HNRNPH1: variants seen among roughly 807,000 people sequenced by gnomAD.
HNRNPH1 encodes heterogeneous nuclear ribonucleoprotein H1, also known as heterogeneous nuclear ribonucleoprotein H.
HNRNPH1 carries 4 observed loss-of-function variants against 58.6 expected under a neutral mutation model. That is an observed-to-expected ratio of 0.07 (90% CI 0.03 to 0.16). The LOEUF (loss-of-function observed/expected upper bound fraction) is 0.16. Ranked by LOEUF, HNRNPH1 falls within the 10% of genes least tolerant of loss-of-function variation. HNRNPH1 has a pLI of 1.00. For missense variants in HNRNPH1, 271 were observed against 564.2 expected (o/e 0.48, Z 5.26); for synonymous variants, 192 against 189.2 (o/e 1.01, Z -0.12).
chr5:179,617,843 T>C, exon 7 of HNRNPH1: 2 of 1,613,768 alleles, frequency 1.2e-6, no homozygotes, highest in Non-Finnish European at 1.7e-6. Flanking sequence ...AATCCCCGCA[T>C]GTGTACACAG....
At chr5:179,620,313 T>C (rs1347248127) in intron 3 of HNRNPH1, among the ~76,000 whole-genome samples, 2 of 152,200 alleles carry the variant, frequency 1.3e-5, no homozygotes, top group Admixed American at 6.5e-5. Context: ...TCAAATACTT[T>C]AGGCCCAGGA....
At chr5:179,617,424 C>A in intron 8 of HNRNPH1, 90 bp downstream of exon 9, 1 of 1,413,064 alleles carries the variant, frequency 7.1e-7, no homozygotes, top group Non-Finnish European at 9.7e-7. Flanking sequence ...GAGGAAACTT[C>A]TCATATATCC....
upstream of HNRNPH1, among the ~76,000 whole-genome samples, chr5:179,628,877 AG>A (rs1774585730): frequency 6.6e-6 from 1 of 152,164 alleles, no homozygotes; most frequent in South Asian, 2.1e-4. Flanking sequence ...GCTACACAGG[AG>A]TGTGAGGTGG....
upstream of HNRNPH1, among the ~76,000 whole-genome samples, chr5:179,627,305 G>C (rs185159918): frequency 8.2e-4 from 124 of 151,658 alleles, no homozygotes; most frequent in African/African-American, 3.0e-3. Flanking sequence ...CATCCTCCAA[G>C]CTCAGCCTCC....
rs114871835 is a variant in HNRNPH1, at chr5:179,622,360, G to A, written c.97+677C>T. Among the ~76,000 whole-genome samples the A allele has an allele frequency of 3.0e-3, 457 of 152,196 alleles. 1 individual carries two copies. The highest frequency in any genetic ancestry group is 0.01 in the African/African-American group (430 of 41,516). On this transcript the variant is annotated intron_variant, in intron 1 of 12. Coordinates refer to ENST00000356731, the Ensembl canonical transcript of HNRNPH1. ...ATTACTATTATTTGTCTAATCACTC[G>A]GCCATTTTCTCAAGATTGAGGAGGA...
At chr5:179,626,752 T>C (rs1442713945), upstream of HNRNPH1, among the ~76,000 whole-genome samples, 1 of 147,610 alleles carries the variant, frequency 6.8e-6, no homozygotes, top group African/African-American at 2.5e-5. Context: ...CTTGCCTCAG[T>C]GGTCTTTATG....
At chr5:179,632,016 G>C (rs962650705) in intron 2 of HNRNPH1, among the ~76,000 whole-genome samples, 4 of 152,250 alleles carry the variant, frequency 2.6e-5, no homozygotes, top group Non-Finnish European at 5.9e-5. Context: ...CTTAAGAAAA[G>C]GGCGTCTCGG....
At chr5:179,623,368 C>A (rs1773685398) in exon 1 of HNRNPH1, 1 of 350,688 alleles carries the variant, frequency 2.9e-6, no homozygotes, top group Non-Finnish European at 5.5e-6. Flanking sequence ...ACCGTGGGGG[C>A]CCGGGCCGAG....
At chr5:179,632,291 G>C (rs1192120514) in intron 2 of HNRNPH1, among the ~76,000 whole-genome samples, 1 of 148,970 alleles carries the variant, frequency 6.7e-6, no homozygotes, top group Admixed American at 6.7e-5. Context: ...CTGAGTGACA[G>C]AGCGAGACTC....
In HNRNPH1 at chr5:179,621,230, T is replaced by G. The variant is rs765420137; in HGVS notation, c.253+12A>C. On this transcript the variant is annotated intron_variant, in intron 2 of 12. Coordinates refer to ENST00000356731, the Ensembl canonical transcript of HNRNPH1. Reference sequence around the variant, plus strand: ...GCTTTATTTACTGTAACTAGGGCAATGTAAATCAAACCTTCAACATATCTG... The same window carrying G: ...GCTTTATTTACTGTAACTAGGGCAAGGTAAATCAAACCTTCAACATATCTG... 6.2e-7 allele frequency: 1 copy of G among 1,609,762 alleles called. No homozygotes were observed. Among genetic ancestry groups the G allele is most frequent in the Non-Finnish European group, 8.5e-7 (1 of 1,176,082 alleles).
intron 3 of HNRNPH1, 187 bp downstream of exon 4, chr5:179,620,705 G>T: frequency 1.7e-6 from 1 of 579,452 alleles, no homozygotes. Context: ...TTAACATTTT[G>T]GAAGTACTTC....
At chr5:179,618,025 CATTATAGCCATT>C in exon 6 of HNRNPH1, 1 of 1,614,178 alleles carries the variant, frequency 6.2e-7, no homozygotes, top group Non-Finnish European at 8.5e-7. Context: ...CCATAGCCAT[CATTATAGCCATT>C]GTAATCATCA....
intron 2 of HNRNPH1, among the ~76,000 whole-genome samples, chr5:179,629,761 G>A (rs924915688): frequency 1.2e-4 from 18 of 152,044 alleles, no homozygotes; most frequent in African/African-American, 1.7e-4. Context: ...AGTGGCTTAC[G>A]CCTGTAATCC....
Position 179,616,232 on chromosome 5 carries a change from A to T in HNRNPH1, c.1208-14T>A. 4.4e-6 allele frequency: 7 copies of T among 1,604,354 alleles called. No homozygotes were observed. The highest frequency in any genetic ancestry group is 6.0e-6 in the Non-Finnish European group (7 of 1,171,140). On this transcript the variant is annotated splice_polypyrimidine_tract_variant and intron_variant, in intron 10 of 12. Transcript: ENST00000356731. Reference sequence around the variant, plus strand: ...TGGACTGGTTTGCTGTTAAGTTAAGAAAACATTAGAACCTTTTTTCTTATG... The same window carrying T: ...TGGACTGGTTTGCTGTTAAGTTAAGTAAACATTAGAACCTTTTTTCTTATG...
intron 3 of HNRNPH1, among the ~76,000 whole-genome samples, chr5:179,620,440 G>A (rs139205593): frequency 3.9e-5 from 6 of 152,156 alleles, no homozygotes; most frequent in Admixed American, 3.3e-4. Context: ...TTCATAAACC[G>A]ACTTTTGCAT....
intron 1 of HNRNPH1, chr5:179,622,050 A>C (rs1772651060): frequency 2.2e-6 from 1 of 453,674 alleles, no homozygotes; most frequent in Admixed American, 2.4e-5. Context: ...TAGAATTTTA[A>C]TCAGTCTAAT....
chr5:179,618,130 C>A lies in HNRNPH1; in HGVS notation c.715+15G>T. The A allele has an allele frequency of 6.2e-7, 1 of 1,613,366 alleles. No individual in the cohort carries two copies. Among genetic ancestry groups the A allele is most frequent in the African/African-American group, 1.3e-5 (1 of 74,990 alleles). ...GGAACAGACGACTTGCCGAACCTTA[C>A]GAATCCTCACGTACCTCCACCATAA... On this transcript the variant is annotated intron_variant, in intron 5 of 12. Coordinates refer to ENST00000356731, the Ensembl canonical transcript of HNRNPH1.
chr5:179,630,679 A>T (rs1774757198), intron 2 of HNRNPH1, among the ~76,000 whole-genome samples: 1 of 152,128 alleles, frequency 6.6e-6, no homozygotes, highest in Non-Finnish European at 1.5e-5. Flanking sequence ...TGGAGGGCCG[A>T]GGTGGGCGGA....
chr5:179,627,233 G>A (rs1317114212), upstream of HNRNPH1, among the ~76,000 whole-genome samples: 1 of 152,074 alleles, frequency 6.6e-6, no homozygotes. Context: ...TACAGACAAT[G>A]TCTTGTTCCG....
Sources: allele counts gnomAD v4.1 joint callset (sites outside exome capture counted in the v4.1 genomes callset), GRCh38; gene constraint gnomAD v4.1.1; transcripts MANE v1.5; gene names NCBI Gene and HGNC (gene_info 2026-07-23, HGNC 2026-07-21).